The following PDE5A variants were observed in gnomAD, a reference collection of about 807,000 sequenced individuals.
PDE5A encodes phosphodiesterase 5A.
PDE5A carries 67 observed loss-of-function variants against 110.2 expected under a neutral mutation model. That is an observed-to-expected ratio of 0.61 (90% CI 0.50 to 0.75). PDE5A has a LOEUF of 0.75. Ranked by LOEUF, PDE5A falls within the 30% of genes least tolerant of loss-of-function variation. The pLI is 0.00. For missense variants in PDE5A, 862 were observed against 1,045.1 expected, an observed-to-expected ratio of 0.82 and a Z score of 2.42; for synonymous variants, 328 against 351.2, an observed-to-expected ratio of 0.93 and a Z score of 0.74.
intron 1 of PDE5A, among the ~76,000 whole-genome samples, chr4:119,618,606 A>C (rs888343255): frequency 9.2e-5 from 14 of 152,150 alleles, no homozygotes; most frequent in African/African-American, 3.4e-4. Context: ...TGTTTTTTTC[A>C]GTACTACTTA....
chr4:119,603,380 ATAC>A (rs1560636729), intron 2 of PDE5A, among the ~76,000 whole-genome samples: 46 of 2,946 alleles, frequency 0.016, no homozygotes, highest in Middle Eastern at 0.25. Flanking sequence ...AAATAAATAC[ATAC>A]ATACATACAT....
chr4:119,501,227 G>A lies in PDE5A; in HGVS notation c.2433C>T (p.Asn811=), dbSNP rs770345083. The part of the protein sequence containing the change: ...PTDLMNREKK[N]KIPSMQVGFI... The stretch of plus-strand genomic sequence containing the variant: ...ACCCAACTTGCATACTTGGGATTTT[G>A]TTTTTCTTCTCCCTGTTCATTAGAT... Residue 811 remains asparagine (N), a synonymous_variant, in exon 20 of 21, where the codon AAC becomes AAT. Transcript: ENST00000354960. 6.2e-7 allele frequency: 1 copy of A among 1,610,502 alleles called. No individual in the cohort carries two copies. The highest frequency in any genetic ancestry group is 2.2e-5 in the East Asian group (1 of 44,816).
chr4:119,590,660 T>C (rs1446072796), intron 3 of PDE5A, among the ~76,000 whole-genome samples: 1 of 152,210 alleles, frequency 6.6e-6, no homozygotes, highest in East Asian at 1.9e-4. Flanking sequence ...CTATAACAGT[T>C]ATGGTTATAA....
chr4:119,585,958 A>G (rs1728749766), intron 3 of PDE5A, among the ~76,000 whole-genome samples: 1 of 152,174 alleles, frequency 6.6e-6, no homozygotes, highest in Non-Finnish European at 1.5e-5. Flanking sequence ...AACCTCTTGA[A>G]AATGGATGAT....
At chr4:119,502,500 TC>T in intron 19 of PDE5A, 80 bp downstream of exon 19, 1 of 768,550 alleles carries the variant, frequency 1.3e-6, no homozygotes, top group Non-Finnish European at 2.2e-6. Flanking sequence ...TAAGGAAAGA[TC>T]CCATAGAGCC....
chr4:119,599,108 C>T (rs925753482), intron 2 of PDE5A, among the ~76,000 whole-genome samples: 2 of 152,102 alleles, frequency 1.3e-5, no homozygotes, highest in African/African-American at 2.4e-5. Flanking sequence ...GTTGGGGGTA[C>T]TCCCTAAGAC....
intron 11 of PDE5A, among the ~76,000 whole-genome samples, chr4:119,534,292 T>C (rs1726650307): frequency 6.7e-6 from 1 of 149,630 alleles, no homozygotes; most frequent in South Asian, 2.2e-4. Flanking sequence ...CCAGGCCACA[T>C]AGCAGGAGGT....
intron 1 of PDE5A, among the ~76,000 whole-genome samples, chr4:119,618,680 A>C (rs1401119347): frequency 6.7e-6 from 1 of 148,308 alleles, no homozygotes; most frequent in Non-Finnish European, 1.5e-5. Flanking sequence ...AAAATATAAA[A>C]GTTAAAACTG....
chr4:119,600,166 T>C (rs997376270), intron 2 of PDE5A, among the ~76,000 whole-genome samples: 1 of 151,046 alleles, frequency 6.6e-6, no homozygotes, highest in African/African-American at 2.4e-5. Context: ...GAGCTAGAAA[T>C]GTGGCTTGAG....
At chr4:119,500,191 G>A (rs903682807) in intron 20 of PDE5A, 2 of 151,902 alleles carry the variant, frequency 1.3e-5, no homozygotes, top group Non-Finnish European at 2.9e-5. Context: ...CTGAGGAAGA[G>A]CTTTGAACAA....
chr4:119,551,073 A>C (rs1367824386), intron 9 of PDE5A, among the ~76,000 whole-genome samples: 1 of 152,172 alleles, frequency 6.6e-6, no homozygotes, highest in East Asian at 1.9e-4. Context: ...TGCACAATTC[A>C]CCAGGGTCAG....
chr4:119,625,011 C>CTTT (rs536749949), intron 1 of PDE5A, among the ~76,000 whole-genome samples: 4 of 139,296 alleles, frequency 2.9e-5, no homozygotes, highest in Admixed American at 7.3e-5. Flanking sequence ...CAAGTTATAG[C>CTTT]TTTTTTTTTT....
chr4:119,624,459 A>C (rs985540067), intron 1 of PDE5A, among the ~76,000 whole-genome samples: 2 of 152,224 alleles, frequency 1.3e-5, no homozygotes, highest in Non-Finnish European at 1.5e-5. Context: ...AACCTCAATT[A>C]ATTCAGCACA....
intron 11 of PDE5A, among the ~76,000 whole-genome samples, chr4:119,530,425 C>G (rs181635651): frequency 1.2e-4 from 19 of 152,170 alleles, no homozygotes; most frequent in Non-Finnish European, 2.5e-4. Flanking sequence ...TGCCACATCT[C>G]CTATGTGAAA....
chr4:119,568,755 A>G (rs1237504988), intron 3 of PDE5A, among the ~76,000 whole-genome samples: 1 of 152,168 alleles, frequency 6.6e-6, no homozygotes, highest in African/African-American at 2.4e-5. Context: ...TCTGTGTTTT[A>G]AGAAAGATGA....
chr4:119,614,693 C>G (rs2110557748), intron 1 of PDE5A, among the ~76,000 whole-genome samples: 1 of 152,306 alleles, frequency 6.6e-6, no homozygotes, highest in South Asian at 2.1e-4. Flanking sequence ...AACCATCCCA[C>G]ATAATGTATT....
chr4:119,511,219 A>C, intron 14 of PDE5A, 85 bp from the exon 15 acceptor site: 1 of 758,440 alleles, frequency 1.3e-6, no homozygotes, highest in Non-Finnish European at 2.3e-6. Flanking sequence ...CTGTTTAACT[A>C]CAAAAGAGGC....
intron 3 of PDE5A, among the ~76,000 whole-genome samples, chr4:119,579,532 C>A (rs1728509659): frequency 6.6e-6 from 1 of 151,890 alleles, no homozygotes; most frequent in African/African-American, 2.4e-5. Flanking sequence ...AGTTCATGTC[C>A]TTTGTAGGGA....
At chr4:119,610,868 C>A (rs531898865) in intron 1 of PDE5A, among the ~76,000 whole-genome samples, 6 of 152,174 alleles carry the variant, frequency 3.9e-5, no homozygotes, top group Non-Finnish European at 8.8e-5. Flanking sequence ...CCTAATTAAT[C>A]TCTCTGATCC....
Sources: allele counts gnomAD v4.1 joint callset (sites outside exome capture counted in the v4.1 genomes callset), GRCh38; gene constraint gnomAD v4.1.1; transcripts MANE v1.5; gene names NCBI Gene and HGNC (gene_info 2026-07-23, HGNC 2026-07-21).